Variants in DPF3 observed in about 807,000 individuals in gnomAD.
DPF3 encodes the protein zinc finger protein DPF3.
In DPF3, 18 loss-of-function variants were observed where a neutral mutation model predicts 56.8. The ratio of observed to expected loss-of-function variants is 0.32; its 90% CI spans 0.22 to 0.47. The LOEUF (loss-of-function observed/expected upper bound fraction) is 0.47. DPF3 is among the 20% of genes least tolerant of loss of function. The pLI, the probability that DPF3 is intolerant of heterozygous loss-of-function variation, is 1.00. For synonymous variants in DPF3, 188 were observed against 180.2 expected (o/e 1.04, Z -0.35); for missense variants, 403 against 488.8 (o/e 0.82, Z 1.65).
At chr14:72,766,717 G>T (rs1844542345) in intron 2 of DPF3, among the ~76,000 whole-genome samples, 1 of 152,226 alleles carries the variant, frequency 6.6e-6, no homozygotes, top group Non-Finnish European at 1.5e-5. Context: ...CTCCCAAAGT[G>T]CTGGGATTAC....
At chr14:72,661,775 A>C in intron 8 of DPF3, 1 of 985,120 alleles carries the variant, frequency 1.0e-6, no homozygotes, top group Non-Finnish European at 1.2e-6. Context: ...AGCTCAGCAG[A>C]AGGTTCCCTT....
chr14:72,758,032 G>A (rs1890911367), intron 2 of DPF3, among the ~76,000 whole-genome samples: 1 of 151,528 alleles, frequency 6.6e-6, no homozygotes, highest in African/African-American at 2.4e-5. Flanking sequence ...AGGACGAAGA[G>A]GAAATTGCCT....
chr14:72,662,661 C>T, intron 8 of DPF3: 1 of 985,608 alleles, frequency 1.0e-6, no homozygotes, highest in Non-Finnish European at 1.2e-6. Context: ...CAGGATTTTC[C>T]ACTCCTGTGC....
intron 1 of DPF3, among the ~76,000 whole-genome samples, chr14:72,783,242 C>T (rs1428368816): frequency 2.0e-5 from 3 of 149,578 alleles, no homozygotes; most frequent in Non-Finnish European, 4.5e-5. Flanking sequence ...TTTCATAACA[C>T]CACTATCAAA....
chr14:72,849,228 G>C (rs961940037), intron 1 of DPF3, among the ~76,000 whole-genome samples: 1 of 152,208 alleles, frequency 6.6e-6, no homozygotes, highest in Non-Finnish European at 1.5e-5. Flanking sequence ...ACCACGTTTT[G>C]TGCTTATCTC....
At chr14:72,849,256 C>T (rs758861799) in intron 1 of DPF3, among the ~76,000 whole-genome samples, 13 of 152,232 alleles carry the variant, frequency 8.5e-5, no homozygotes, top group Non-Finnish European at 1.6e-4. Flanking sequence ...GCCACAGGCA[C>T]GGAGCTTCCA....
At chr14:72,824,118 C>T (rs949131321) in intron 1 of DPF3, among the ~76,000 whole-genome samples, 2 of 152,194 alleles carry the variant, frequency 1.3e-5, no homozygotes, top group Non-Finnish European at 2.9e-5. Flanking sequence ...CCTTCTCCAA[C>T]TCCAGGGTAC....
At chr14:72,708,399 G>A (rs952407564) in intron 6 of DPF3, among the ~76,000 whole-genome samples, 2 of 152,072 alleles carry the variant, frequency 1.3e-5, no homozygotes, top group Non-Finnish European at 2.9e-5. Flanking sequence ...CAAGTTTCTG[G>A]GGGCACCGAG....
At chr14:72,636,842 T>A (rs1300948572) in intron 8 of DPF3, among the ~76,000 whole-genome samples, 1 of 152,162 alleles carries the variant, frequency 6.6e-6, no homozygotes, top group Non-Finnish European at 1.5e-5. Context: ...TTATTGCACT[T>A]CAAAGAGGAC....
chr14:72,872,504 C>T (rs1375384893), intron 1 of DPF3, among the ~76,000 whole-genome samples: 1 of 152,342 alleles, frequency 6.6e-6, no homozygotes, highest in Non-Finnish European at 1.5e-5. Context: ...ATCTTGAATG[C>T]TTTGCTGCTT....
rs1191089171 is a variant in DPF3, at chr14:72,612,934, T to C, written c.*6363A>G. Among the ~76,000 whole-genome samples the C allele has an allele frequency of 1.3e-5, 2 of 152,054 alleles. No homozygotes were observed. Among genetic ancestry groups the C allele is most frequent in the Non-Finnish European group, 2.9e-5 (2 of 68,004 alleles). ...AAGATGCACCTTGCCTGGCAGCCCC[T>C]GGCTCTCCCTCTTGTCCTGGAGCAA... is the stretch of plus-strand genomic sequence containing the variant. On this transcript the variant is annotated 3_prime_UTR_variant, in exon 11 of 11. Coordinates refer to ENST00000556509, the MANE Select transcript of DPF3 (RefSeq NM_001280542.3).
At chr14:72,742,974 C>G (rs1479355751) in intron 3 of DPF3, among the ~76,000 whole-genome samples, 1 of 152,124 alleles carries the variant, frequency 6.6e-6, no homozygotes, top group Admixed American at 6.5e-5. Context: ...TGTTGGCCAG[C>G]CTGTGGCCCT....
chr14:72,772,807 G>A (rs1044114852), intron 1 of DPF3, among the ~76,000 whole-genome samples: 1 of 152,156 alleles, frequency 6.6e-6, no homozygotes, highest in Non-Finnish European at 1.5e-5. Flanking sequence ...ATAGGCACAG[G>A]TTAATAAATG....
intron 8 of DPF3, among the ~76,000 whole-genome samples, chr14:72,645,277 C>T (rs1431160481): frequency 2.0e-5 from 3 of 151,724 alleles, no homozygotes; most frequent in Admixed American, 6.6e-5. Context: ...TCAAAGCAAA[C>T]AGAGATGCTA....
intron 1 of DPF3, among the ~76,000 whole-genome samples, chr14:72,846,263 A>G (rs1406772121): frequency 6.7e-6 from 1 of 149,482 alleles, no homozygotes; most frequent in African/African-American, 2.5e-5. Flanking sequence ...GGCACGTGCC[A>G]CCACACCCAG....
chr14:72,627,632 G>C (rs1233450602), intron 9 of DPF3, among the ~76,000 whole-genome samples: 3 of 151,896 alleles, frequency 2.0e-5, no homozygotes, highest in Non-Finnish European at 4.4e-5. Flanking sequence ...GCCTATTTTT[G>C]CATGTTTGTT....
intron 1 of DPF3, among the ~76,000 whole-genome samples, chr14:72,831,423 A>G (rs187526471): frequency 6.6e-6 from 1 of 152,210 alleles, no homozygotes; most frequent in African/African-American, 2.4e-5. Context: ...CCAGCTAACA[A>G]TAAATTTCTG....
At chr14:72,713,611 G>A (rs1441339105) in intron 6 of DPF3, among the ~76,000 whole-genome samples, 1 of 152,232 alleles carries the variant, frequency 6.6e-6, no homozygotes, top group Admixed American at 6.5e-5. Context: ...AAGATCATTA[G>A]GAGTGTGGTG....
chr14:72,683,185 G>A (rs1887235856), intron 7 of DPF3, among the ~76,000 whole-genome samples: 1 of 152,020 alleles, frequency 6.6e-6, no homozygotes, highest in South Asian at 2.1e-4. Context: ...AAATTAGCTG[G>A]GTGTGGTGGT....
Sources: gnomAD v4.1 joint callset for allele counts (sites outside exome capture counted in the v4.1 genomes callset) on GRCh38, gnomAD v4.1.1 for gene constraint, MANE v1.5 for transcripts, NCBI Gene and HGNC (gene_info 2026-07-23, HGNC 2026-07-21) for gene names.